Variants in SGMS1 observed in about 807,000 individuals in gnomAD.
The protein encoded by SGMS1 is phosphatidylcholine:ceramide cholinephosphotransferase 1.
A neutral mutation model predicts 46.2 loss-of-function variants in SGMS1; 13 were observed. The observed-to-expected ratio is 0.28, with a 90% CI of 0.18 to 0.45. The LOEUF is 0.45. Among genes scored for constraint, SGMS1 ranks in the 20% least tolerant of loss-of-function variants. SGMS1 has a pLI of 1.00. For synonymous variants in SGMS1, 203 were observed against 187.8 expected, an observed-to-expected ratio of 1.08 and a Z score of -0.66; for missense variants, 324 against 519.9, an observed-to-expected ratio of 0.62 and a Z score of 3.66.
At chr10:50,320,757 C>T (rs935854682) in intron 8 of SGMS1, among the ~76,000 whole-genome samples, 1 of 152,192 alleles carries the variant, frequency 6.6e-6, no homozygotes, top group African/African-American at 2.4e-5. Context: ...CACCTGGAAC[C>T]CTTCCTCCCT....
chr10:50,596,175 A>AT (rs71457582), intron 1 of SGMS1, among the ~76,000 whole-genome samples: 57,169 of 139,600 alleles, frequency 0.41, 11,951 homozygotes, highest in South Asian at 0.49. Flanking sequence ...TTGTATCACG[A>AT]TTTTTTTTTT....
chr10:50,372,373 T>C (rs888943292), intron 6 of SGMS1, among the ~76,000 whole-genome samples: 43 of 152,264 alleles, frequency 2.8e-4, no homozygotes, highest in Admixed American at 1.4e-3. Flanking sequence ...AAAATTAATT[T>C]TTAAAAATAA....
In SGMS1 at chr10:50,440,284, A is replaced by G. The variant is rs1285536754; in HGVS notation, c.-312-6728T>C. ...GCAACCCAAATTAAAAAATATATATATATATATATTTTCTTTTAAAGTGGC... is the reference window on the plus strand; with the variant it reads ...GCAACCCAAATTAAAAAATATATATGTATATATATTTTCTTTTAAAGTGGC... On this transcript the variant is annotated intron_variant, in intron 5 of 10. Coordinates refer to ENST00000361781, the MANE Select transcript of SGMS1 (RefSeq NM_147156.4). Among the ~76,000 whole-genome samples, 4 of 150,642 alleles carry G rather than the reference A, an allele frequency of 2.7e-5. 1 individual carries two copies. Among genetic ancestry groups the G allele is most frequent in the East Asian group, 1.9e-4 (1 of 5,184 alleles).
chr10:50,355,882 C>T (rs929641463), intron 6 of SGMS1, among the ~76,000 whole-genome samples: 13 of 151,970 alleles, frequency 8.6e-5, no homozygotes, highest in Non-Finnish European at 1.5e-4. Context: ...TCTGCCCAGC[C>T]GCGACCCCGT....
chr10:50,519,252 C>T lies in SGMS1; in HGVS notation c.-498+579G>A, dbSNP rs145676625. Among the ~76,000 whole-genome samples the T allele has an allele frequency of 9.4e-4, 143 of 152,282 alleles. 1 individual carries two copies. Among genetic ancestry groups the T allele is most frequent in the African/African-American group, 3.4e-3 (140 of 41,564 alleles). On this transcript the variant is annotated intron_variant, in intron 3 of 10. Coordinates refer to ENST00000361781, the MANE Select transcript of SGMS1 (RefSeq NM_147156.4). Reference sequence around the variant, plus strand: ...AACATAGAAACAGACATAGAATCAACGATAACACTAGAGACACTGTTTCGT... The same window carrying T: ...AACATAGAAACAGACATAGAATCAATGATAACACTAGAGACACTGTTTCGT...
At chr10:50,527,063 CAAAAAAAAAAAAA>C (rs573386594) in intron 2 of SGMS1, among the ~76,000 whole-genome samples, 23,691 of 90,992 alleles carry the variant, frequency 0.26, 2,709 homozygotes, top group Non-Finnish European at 0.33. Flanking sequence ...GACTCTGTCT[CAAAAAAAAAAAAA>C]AAAAAAAAAA....
Position 50,341,613 on chromosome 10 carries a change from G to A in SGMS1, c.623+1879C>T, listed in dbSNP as rs546291727. On this transcript the variant is annotated intron_variant, in intron 7 of 10. Transcript: ENST00000361781. Reference sequence around the variant, plus strand: ...ATCTAGACTGAGACGTCATTATTCCGTTTGTGAGAAAAACGAGGCTCCTGA... The same window carrying A: ...ATCTAGACTGAGACGTCATTATTCCATTTGTGAGAAAAACGAGGCTCCTGA... Among the ~76,000 whole-genome samples, 7 of 152,136 alleles carry A rather than the reference G, an allele frequency of 4.6e-5. No individual in the cohort carries two copies. In the South Asian group the frequency reaches 6.2e-4, roughly 14 times the overall value.
rs146371860 is a variant in SGMS1 at position 50,475,737 on chromosome 10, G to A, written c.-497-8805C>T. Among the ~76,000 whole-genome samples the A allele has an allele frequency of 3.7e-3, 564 of 152,178 alleles. 3 individuals carry two copies. The highest frequency in any genetic ancestry group is 5.1e-3 in the Non-Finnish European group (350 of 68,016). On this transcript the variant is annotated intron_variant, in intron 3 of 10. Transcript: ENST00000361781. ...GACAGAGTTCTTACCAGATCTGCTT[G>A]TTAAAAAGTGTGTAGCATCTCCCCA...
chr10:50,377,686 G>A (rs1345630281), intron 6 of SGMS1, among the ~76,000 whole-genome samples: 1 of 152,094 alleles, frequency 6.6e-6, no homozygotes, highest in Non-Finnish European at 1.5e-5. Context: ...CCACAAACTG[G>A]GGGGCTTTAA....
At chr10:50,527,732 T>G (rs1837916747) in intron 2 of SGMS1, among the ~76,000 whole-genome samples, 2 of 152,342 alleles carry the variant, frequency 1.3e-5, no homozygotes, top group East Asian at 3.9e-4. Flanking sequence ...GTTTAAGCAC[T>G]CCGTAGCAAC....
intron 2 of SGMS1, among the ~76,000 whole-genome samples, chr10:50,585,459 T>C (rs1324576450): frequency 6.6e-6 from 1 of 152,256 alleles, no homozygotes; most frequent in Non-Finnish European, 1.5e-5. Flanking sequence ...GTTTATCAAG[T>C]TTATAAAATT....
rs200010826 is a variant in SGMS1 at position 50,375,843 on chromosome 10, C to A, written c.-231-31498G>T. Among the ~76,000 whole-genome samples the A allele has an allele frequency of 3.3e-5, 5 of 152,060 alleles. No individual in the cohort carries two copies. In the East Asian group the frequency reaches 9.7e-4, roughly 29 times the overall value. ...AGAATGATATGAAAATAAAAATAACCCTTTTTTCCCTAACTAGTTTTCCTC... is the reference window on the plus strand; with the variant it reads ...AGAATGATATGAAAATAAAAATAACACTTTTTTCCCTAACTAGTTTTCCTC... On this transcript the variant is annotated intron_variant, in intron 6 of 10. Coordinates refer to ENST00000361781, the MANE Select transcript of SGMS1 (RefSeq NM_147156.4).
intron 2 of SGMS1, among the ~76,000 whole-genome samples, chr10:50,530,014 G>T (rs1277065051): frequency 3.3e-5 from 5 of 152,194 alleles, no homozygotes; most frequent in Non-Finnish European, 7.4e-5. Context: ...AGCAGCACAG[G>T]CCCTCTGTAT....
At chr10:50,327,995 T>C in intron 7 of SGMS1, 2 of 348,626 alleles carry the variant, frequency 5.7e-6, no homozygotes, top group South Asian at 4.5e-5. Flanking sequence ...ATATAGTAGG[T>C]ACAAATGGTA....
intron 5 of SGMS1, among the ~76,000 whole-genome samples, chr10:50,438,333 T>C (rs1849500492): frequency 1.3e-5 from 2 of 152,226 alleles, no homozygotes; most frequent in Admixed American, 1.3e-4. Flanking sequence ...GTTTCTCTCT[T>C]GGTTTTGAAA....
intron 4 of SGMS1, among the ~76,000 whole-genome samples, chr10:50,465,883 G>A (rs1392363170): frequency 6.6e-6 from 1 of 151,408 alleles, no homozygotes. Context: ...CCAACTTGGA[G>A]GCAGAATGAC....
chr10:50,462,386 G>A (rs1384940267), intron 4 of SGMS1, among the ~76,000 whole-genome samples: 2 of 152,094 alleles, frequency 1.3e-5, no homozygotes, highest in Non-Finnish European at 1.5e-5. Context: ...TATACCTCAG[G>A]AAAGAGAGTA....
chr10:50,485,589 G>A (rs946393284), intron 3 of SGMS1, among the ~76,000 whole-genome samples: 1 of 152,122 alleles, frequency 6.6e-6, no homozygotes, highest in Non-Finnish European at 1.5e-5. Flanking sequence ...ATATAGCCAA[G>A]ACAACCCTAA....
chr10:50,380,020 T>A (rs1038289895), intron 6 of SGMS1, among the ~76,000 whole-genome samples: 1 of 152,130 alleles, frequency 6.6e-6, no homozygotes, highest in African/African-American at 2.4e-5. Context: ...GTCACCAAAA[T>A]AAAACTTCCT....
Sources: allele counts gnomAD v4.1 joint callset (sites outside exome capture counted in the v4.1 genomes callset), GRCh38; gene constraint gnomAD v4.1.1; transcripts MANE v1.5; gene names NCBI Gene and HGNC (gene_info 2026-07-23, HGNC 2026-07-21).